Variants in NWD2 observed in about 807,000 individuals in gnomAD.
NWD2 encodes NACHT and WD repeat domain-containing protein 2.
Under a neutral mutation model 132.7 loss-of-function variants are expected in NWD2, and 37 were observed. That is an observed-to-expected ratio of 0.28 (90% CI 0.21 to 0.37). NWD2 has a LOEUF of 0.37. Among genes scored for constraint, NWD2 ranks in the 10% least tolerant of loss-of-function variants. The probability of loss-of-function intolerance (pLI) is 1.00; values close to 1 mark genes in which losing one functional copy is unlikely to be tolerated. For synonymous variants in NWD2, 705 were observed against 803.0 expected (o/e 0.88, Z 2.06); for missense variants, 1,592 against 2,122.4 (o/e 0.75, Z 4.91).
intron 1 of NWD2, among the ~76,000 whole-genome samples, chr4:37,313,488 T>C (rs1044201393): frequency 6.7e-6 from 1 of 149,160 alleles, no homozygotes; most frequent in Non-Finnish European, 1.5e-5. Context: ...CCTTTATCAT[T>C]TTTTATTGTG....
At chr4:37,424,114 T>C (rs551380171) in intron 3 of NWD2, among the ~76,000 whole-genome samples, 79 of 151,986 alleles carry the variant, frequency 5.2e-4, no homozygotes, top group African/African-American at 1.9e-3. Flanking sequence ...ATAAATCAGG[T>C]AGAAAGAATA....
At chr4:37,301,596 T>A (rs1269292865) in intron 1 of NWD2, among the ~76,000 whole-genome samples, 1 of 152,184 alleles carries the variant, frequency 6.6e-6, no homozygotes, top group South Asian at 2.1e-4. Flanking sequence ...ATTTAAGCAT[T>A]CCATTCAATT....
At chr4:37,301,334 T>G (rs754014913) in intron 1 of NWD2, among the ~76,000 whole-genome samples, 2 of 152,126 alleles carry the variant, frequency 1.3e-5, no homozygotes, top group Non-Finnish European at 2.9e-5. Flanking sequence ...TGGAATTTGT[T>G]GACTTCCCTG....
Position 37,438,829 on chromosome 4 carries a change from G to A in NWD2, c.735G>A (p.Leu245=). Residue 245 remains leucine (L), a synonymous_variant, in exon 6 of 7, where the codon CTG becomes CTA. Transcript: ENST00000309447. ...TAGAGGATGAGTTTGACTTTGCTCT[G>A]GGAAAACAAACTCCAGCATTTCTAA... ...SAIEDEFDFA[L]GKQTPAFLKK... The A allele has an allele frequency of 6.4e-7, 1 of 1,551,010 alleles. No individual in the cohort carries two copies.
At position 37,416,901 on chromosome 4, in the gene NWD2, T is replaced by C. The variant is rs1357801681; in HGVS notation, c.358-13671T>C. Among the ~76,000 whole-genome samples, 3 of 150,626 alleles carry C rather than the reference T, an allele frequency of 2.0e-5. No homozygotes were observed. In the Admixed American group the frequency reaches 2.0e-4, roughly 10 times the overall value. ...ATAAGTGGGAGCTAAGTTATGAGGATGCAAAGGCATAAGAATGATACAATG... is the reference window on the plus strand; with the variant it reads ...ATAAGTGGGAGCTAAGTTATGAGGACGCAAAGGCATAAGAATGATACAATG... On this transcript the variant is annotated intron_variant, in intron 3 of 6. Coordinates refer to ENST00000309447, the MANE Select transcript of NWD2 (RefSeq NM_001144990.2).
intron 3 of NWD2, among the ~76,000 whole-genome samples, chr4:37,391,909 A>G (rs936542240): frequency 6.6e-6 from 1 of 152,220 alleles, no homozygotes. Flanking sequence ...TTCGTTTAAT[A>G]AATTAAAACA....
At position 37,439,148 on chromosome 4, in the gene NWD2, G is replaced by C; in HGVS notation, c.1054G>C (p.Asp352His). Residue 352 changes from aspartate (D) to histidine (H), a missense_variant, in exon 6 of 7, where the codon GAT becomes CAT. Around this residue, in one of 7 missense-constraint regions of NWD2, gnomAD observed 1,071 missense variants for 1,398.0 expected, o/e 0.77. Transcript: ENST00000309447. This position sits in a 1 kb window ranked among gnomAD's most constrained non-coding sequence, Gnocchi z 4.5. ...LGKQFYEDMIDIIQATIQQNF... is the reference protein window; with the variant it reads ...LGKQFYEDMIHIIQATIQQNF... The stretch of plus-strand genomic sequence containing the variant: ...TAAACAATTTTATGAGGACATGATT[G>C]ATATAATTCAGGCAACGATACAACA... 6.4e-7 allele frequency: 1 copy of C among 1,550,928 alleles called. No individual in the cohort carries two copies. The highest frequency in any genetic ancestry group is 1.4e-5 in the African/African-American group (1 of 73,086).
intron 3 of NWD2, among the ~76,000 whole-genome samples, chr4:37,413,897 C>G (rs1421843129): frequency 6.6e-6 from 1 of 152,096 alleles, no homozygotes; most frequent in Admixed American, 6.5e-5. Flanking sequence ...CGCATGTTCT[C>G]ACTTATAAGT....
chr4:37,421,333 G>T (rs1711801219), intron 3 of NWD2, among the ~76,000 whole-genome samples: 1 of 152,176 alleles, frequency 6.6e-6, no homozygotes, highest in Admixed American at 6.5e-5. Context: ...CTCCGGAATG[G>T]CTCCATTTCA....
chr4:37,273,252 A>G (rs1456932204), intron 1 of NWD2, among the ~76,000 whole-genome samples: 5 of 151,726 alleles, frequency 3.3e-5, no homozygotes, highest in Non-Finnish European at 7.4e-5. Context: ...TGCTTCTGAT[A>G]AGAAGTGAGC....
intron 2 of NWD2, among the ~76,000 whole-genome samples, chr4:37,341,929 G>T (rs1316572106): frequency 2.6e-5 from 4 of 152,140 alleles, no homozygotes; most frequent in African/African-American, 9.7e-5. Flanking sequence ...AAGAATTTAA[G>T]CAGGGAGATA....
intron 3 of NWD2, among the ~76,000 whole-genome samples, chr4:37,410,217 T>C (rs1721125984): frequency 6.6e-6 from 1 of 151,980 alleles, no homozygotes; most frequent in Non-Finnish European, 1.5e-5. Context: ...GCAAATTGGA[T>C]AAAGAGTCAA....
chr4:37,259,053 A>G (rs1717578983), intron 1 of NWD2, among the ~76,000 whole-genome samples: 2 of 152,150 alleles, frequency 1.3e-5, no homozygotes, highest in African/African-American at 4.8e-5. Flanking sequence ...TGCACCTGCA[A>G]GGGGGATGGC....
chr4:37,285,420 T>G (rs750109662), intron 1 of NWD2, among the ~76,000 whole-genome samples: 25 of 152,002 alleles, frequency 1.6e-4, no homozygotes, highest in Admixed American at 4.6e-4. Context: ...AGTTGGCTGA[T>G]CTCTAAGGCC....
intron 3 of NWD2, among the ~76,000 whole-genome samples, chr4:37,389,850 G>A (rs1051481739): frequency 2.0e-5 from 3 of 151,756 alleles, no homozygotes; most frequent in African/African-American, 4.8e-5. Flanking sequence ...GCACAGTCTC[G>A]GCTCACTGCA....
chr4:37,260,492 TG>T (rs1361267752), intron 1 of NWD2, among the ~76,000 whole-genome samples: 2 of 152,206 alleles, frequency 1.3e-5, no homozygotes, highest in African/African-American at 4.8e-5. Context: ...CTCGATTGCC[TG>T]AAAAATAGTA....
chr4:37,252,430 G>C (rs562567246), intron 1 of NWD2, among the ~76,000 whole-genome samples: 1 of 152,306 alleles, frequency 6.6e-6, no homozygotes, highest in African/African-American at 2.4e-5. Flanking sequence ...TTTGCTATTT[G>C]AAAAGGTGTG....
At chr4:37,372,521 T>C (rs998467852) in intron 3 of NWD2, among the ~76,000 whole-genome samples, 4 of 152,226 alleles carry the variant, frequency 2.6e-5, no homozygotes, top group Non-Finnish European at 5.9e-5. Flanking sequence ...GCTTTTGTTT[T>C]CCCTGAATGC....
chr4:37,424,422 C>A (rs1711930952), intron 3 of NWD2, among the ~76,000 whole-genome samples: 1 of 152,122 alleles, frequency 6.6e-6, no homozygotes, highest in African/African-American at 2.4e-5. Context: ...GGTCTGGGAG[C>A]CTTAGTGTCT....
Sources: allele counts gnomAD v4.1 joint callset (sites outside exome capture counted in the v4.1 genomes callset), GRCh38; gene constraint gnomAD v4.1.1; regional missense constraint gnomAD v4.1.1; non-coding constraint Gnocchi (gnomAD v3.1); transcripts MANE v1.5; gene names NCBI Gene and HGNC (gene_info 2026-07-23, HGNC 2026-07-21).